Variants in ELP1 observed in about 807,000 individuals in gnomAD.
ELP1 encodes elongator acetyltransferase complex subunit 1, also known as elongator complex protein 1.
In ELP1, 131 loss-of-function variants were observed where a neutral mutation model predicts 183.2. The ratio of observed to expected loss-of-function variants is 0.72; its 90% CI spans 0.62 to 0.83. The LOEUF (loss-of-function observed/expected upper bound fraction) is 0.83. Ranked by LOEUF, ELP1 falls within the 40% of genes least tolerant of loss-of-function variation. The probability of loss-of-function intolerance (pLI) is 0.00; values close to 1 mark genes in which losing one functional copy is unlikely to be tolerated. For synonymous variants in ELP1, 555 were observed against 569.0 expected, an observed-to-expected ratio of 0.98 and a Z score of 0.35; for missense variants, 1,550 against 1,594.9, an observed-to-expected ratio of 0.97 and a Z score of 0.48.
In ELP1 at chr9:108,919,298, C is replaced by A. The variant is rs1156519021; in HGVS notation, c.604G>T (p.Gly202Trp). 1.2e-6 allele frequency: 2 copies of A among 1,613,792 alleles called. No individual in the cohort carries two copies. Among genetic ancestry groups the A allele is most frequent in the East Asian group, 2.2e-5 (1 of 44,872 alleles). The change falls in exon 7 of 37, where the codon GGG becomes TGG. Residue 202 changes from glycine to tryptophan, a missense_variant. By Grantham distance (184) the Gly-to-Trp change is radical. Coordinates refer to ENST00000374647, the MANE Select transcript of ELP1 (RefSeq NM_003640.5). ...DDHRPQVTWR[G>W]DGQFFAVSVV... Reference sequence around the variant, plus strand: ...CTCACAGCAAAAAACTGTCCATCCCCCCGCCAGGTAACTTGTGGTCTATGG... The same window carrying A: ...CTCACAGCAAAAAACTGTCCATCCCACCGCCAGGTAACTTGTGGTCTATGG...
intron 25 of ELP1, 110 bp downstream of exon 25, chr9:108,896,386 T>C: frequency 2.1e-6 from 2 of 969,300 alleles, no homozygotes; most frequent in Admixed American, 1.8e-5. Flanking sequence ...TCTCCAGCCC[T>C]GCACTCACAG....
At chr9:108,878,978 T>A (rs1316413359) in intron 33 of ELP1, among the ~76,000 whole-genome samples, 3 of 152,204 alleles carry the variant, frequency 2.0e-5, no homozygotes, top group Admixed American at 6.5e-5. Context: ...CCTTATAAGT[T>A]TTTGGTAACA....
intron 18 of ELP1, 39 bp downstream of exon 18, chr9:108,901,386 G>C (rs1007472176): frequency 5.0e-6 from 7 of 1,408,252 alleles, no homozygotes; most frequent in Non-Finnish European, 7.0e-6. Flanking sequence ...AAAGACATTG[G>C]AGAAGGGACC....
chr9:108,910,883 T>G (rs984552012), intron 12 of ELP1, 127 bp downstream of exon 12: 2 of 739,148 alleles, frequency 2.7e-6, no homozygotes, highest in East Asian at 2.7e-5. Flanking sequence ...ATGATAATGA[T>G]ATCAACTGCA....
chr9:108,894,755 C>G (rs1828474578), intron 25 of ELP1, among the ~76,000 whole-genome samples: 1 of 152,156 alleles, frequency 6.6e-6, no homozygotes. Context: ...GAAATGATCA[C>G]ATTAAAACAA....
chr9:108,886,670 G>T (rs1304238112), intron 29 of ELP1, among the ~76,000 whole-genome samples: 2 of 152,138 alleles, frequency 1.3e-5, no homozygotes, highest in Non-Finnish European at 2.9e-5. Context: ...AACCAAGAGG[G>T]CAGGAATTGG....
At chr9:108,881,277 CT>C (rs1414658099) in intron 31 of ELP1, among the ~76,000 whole-genome samples, 2 of 152,124 alleles carry the variant, frequency 1.3e-5, no homozygotes, top group Non-Finnish European at 2.9e-5. Context: ...TTCATTAATA[CT>C]TTTGTGGAAC....
rs1028578072 is a variant in ELP1, at chr9:108,879,358, C to T, written c.3572+88G>A. 33 of 940,966 alleles carry T rather than the reference C, an allele frequency of 3.5e-5. 2 individuals are homozygous for T. In the South Asian group the frequency reaches 4.3e-4, roughly 12 times the overall value. 58.3% of individuals were successfully genotyped at this position (940,966 alleles called of 1,614,324 possible). ...GAATATTCTCCCCACTCCCACTACA[C>T]CGTCCCAGTAGAAAACCAATCTATT... On this transcript the variant is annotated intron_variant, in intron 33 of 36. Coordinates refer to ENST00000374647, the MANE Select transcript of ELP1 (RefSeq NM_003640.5).
At chr9:108,896,379 C>A in intron 25 of ELP1, 117 bp downstream of exon 25, 2 of 918,348 alleles carry the variant, frequency 2.2e-6, no homozygotes, top group South Asian at 2.8e-5. Flanking sequence ...AGATCTGTCT[C>A]CAGCCCTGCA....
rs1450405975 is a variant in ELP1 at position 108,880,043 on chromosome 9, G to T, written c.3460+9C>A. ...CCCGCACGTCGATGGCCTTCACGCAGATACTCACCCAGACCTGCCTGCTGG... is the reference window on the plus strand; with the variant it reads ...CCCGCACGTCGATGGCCTTCACGCATATACTCACCCAGACCTGCCTGCTGG... On this transcript the variant is annotated intron_variant, in intron 32 of 36. Transcript: ENST00000374647. The T allele has an allele frequency of 7.0e-6, 11 of 1,581,816 alleles. No homozygotes were observed. Among genetic ancestry groups the T allele is most frequent in the African/African-American group, 1.3e-5 (1 of 74,266 alleles).
chr9:108,911,401 T>A (rs1011419738), intron 11 of ELP1, among the ~76,000 whole-genome samples: 1 of 152,168 alleles, frequency 6.6e-6, no homozygotes, highest in African/African-American at 2.4e-5. Context: ...GGGGAGTCCA[T>A]CTCAGTACCT....
rs749552737 is a variant in ELP1, at chr9:108,878,000, T to C, written c.3850A>G (p.Thr1284Ala). ...WTLTYQQNSA[T>A]PVLGPNSTAN... Reference sequence around the variant, plus strand: ...CCGTCTCTGAGAAAACTTACCGGGGTAGCTGAATTCTGCTGGTAAGTAAGA... The same window carrying C: ...CCGTCTCTGAGAAAACTTACCGGGGCAGCTGAATTCTGCTGGTAAGTAAGA... The change falls in exon 35 of 37, where the codon ACC (threonine) becomes GCC (alanine). Residue 1284 changes from threonine to alanine, a missense_variant. Thr to Ala is a moderately conservative substitution (Grantham distance 58). Coordinates refer to ENST00000374647, the MANE Select transcript of ELP1 (RefSeq NM_003640.5). 3.1e-6 allele frequency: 5 copies of C among 1,614,156 alleles called. No homozygotes were observed. Among genetic ancestry groups the C allele is most frequent in the Non-Finnish European group, 4.2e-6 (5 of 1,180,018 alleles).
chr9:108,903,756 C>T (rs771472663), intron 14 of ELP1, 87 bp from the exon 15 acceptor site: 109 of 917,824 alleles, frequency 1.2e-4, no homozygotes, highest in Non-Finnish European at 1.9e-4. Flanking sequence ...TCAACAATTT[C>T]CTTTTGATGC....
chr9:108,908,553 C>T (rs1045511758), intron 12 of ELP1, 149 bp from the exon 13 acceptor site: 4 of 682,974 alleles, frequency 5.9e-6, no homozygotes, highest in Middle Eastern at 3.2e-4. Flanking sequence ...TTTCTGCTTT[C>T]CTCTTAAGAA....
At chr9:108,916,997 A>G (rs1410832346) in intron 9 of ELP1, among the ~76,000 whole-genome samples, 2 of 152,232 alleles carry the variant, frequency 1.3e-5, no homozygotes, top group African/African-American at 4.8e-5. Context: ...AATAAACAAT[A>G]AAAACTAGCA....
At chr9:108,923,964 G>T (rs1354224786) in intron 5 of ELP1, among the ~76,000 whole-genome samples, 1 of 152,110 alleles carries the variant, frequency 6.6e-6, no homozygotes, top group African/African-American at 2.4e-5. Context: ...ATAAATTATG[G>T]GTCCATATGA....
rs1377217537 is a variant in ELP1 at position 108,891,352 on chromosome 9, G to A, written c.3011C>T (p.Pro1004Leu). Residue 1004 changes from proline (P) to leucine (L), a missense_variant, in exon 28 of 37, where the codon CCA (proline) becomes CTA (leucine). Pro to Leu is a moderately conservative substitution (Grantham distance 98). Coordinates refer to ENST00000374647, the MANE Select transcript of ELP1 (RefSeq NM_003640.5). ...EHLMQEHMYE[P>L]AGLMFARCGA... ...GCAACGGGCAAACATGAGCCCCGCT[G>A]GCTCATACATGTGCTCCTGCATCAG... 12 of 1,613,980 alleles carry A rather than the reference G, an allele frequency of 7.4e-6. No homozygotes were observed. The highest frequency in any genetic ancestry group is 2.2e-5 in the East Asian group (1 of 44,886).
rs1040975275 is a variant in ELP1 at position 108,867,875 on chromosome 9, A to G, written c.*1240T>C. 6.6e-5 allele frequency: 10 copies of G among 152,208 alleles called. No individual in the cohort carries two copies. Among genetic ancestry groups the G allele is most frequent in the Non-Finnish European group, 1.0e-4 (7 of 68,040 alleles). The allele number at this position is 152,208 out of a possible 1,614,324, so 9.4% of individuals were successfully genotyped here. A position where few individuals can be genotyped will look rare whatever the true frequency, so the allele number is the denominator to read the frequency against. On this transcript the variant is annotated 3_prime_UTR_variant, in exon 37 of 37. Coordinates refer to ENST00000374647, the MANE Select transcript of ELP1 (RefSeq NM_003640.5). ...TACTGGGAAAGGCTTCTTAAATTACAATTTTGGCTATATCACTTCTTTGAG... is the reference window on the plus strand; with the variant it reads ...TACTGGGAAAGGCTTCTTAAATTACGATTTTGGCTATATCACTTCTTTGAG...
chr9:108,929,634 A>C, intron 3 of ELP1, 135 bp downstream of exon 3: 2 of 882,106 alleles, frequency 2.3e-6, no homozygotes, highest in Middle Eastern at 6.9e-4. Context: ...TTTTTTAAAT[A>C]AAGAAATATA....
Sources: gnomAD v4.1 joint callset for allele counts (sites outside exome capture counted in the v4.1 genomes callset) on GRCh38, gnomAD v4.1.1 for gene constraint, MANE v1.5 for transcripts, NCBI Gene and HGNC (gene_info 2026-07-23, HGNC 2026-07-21) for gene names.